Variants in PCDHA2 observed in about 807,000 individuals in gnomAD.
The protein encoded by PCDHA2 is protocadherin alpha-2.
PCDHA2 carries 58 observed loss-of-function variants against 66.0 expected under a neutral mutation model. The observed-to-expected ratio is 0.88, with a 90% CI of 0.71 to 1.09. The LOEUF (loss-of-function observed/expected upper bound fraction) is 1.09, where lower values mean the gene tolerates loss of function less well. Among genes scored for constraint, PCDHA2 ranks in the 50% least tolerant of loss-of-function variants. The probability of loss-of-function intolerance (pLI) is 0.00; values close to 1 mark genes in which losing one functional copy is unlikely to be tolerated. For missense variants in PCDHA2, 1,267 were observed against 1,242.3 expected (o/e 1.02, Z -0.30); for synonymous variants, 634 against 554.0 (o/e 1.14, Z -2.03).
intron 1 of PCDHA2, among the ~76,000 whole-genome samples, chr5:140,827,710 T>C (rs1414085053): frequency 3.3e-5 from 5 of 152,232 alleles, no homozygotes; most frequent in Admixed American, 6.5e-5. Context: ...GTTGCAAATA[T>C]TGGTAGAAAA....
At chr5:140,851,299 T>C (rs2042017269) in intron 1 of PCDHA2, 2 of 1,019,562 alleles carry the variant, frequency 2.0e-6, no homozygotes, top group East Asian at 1.2e-4. Flanking sequence ...AGCAAAAATA[T>C]ATAGCAATTG....
chr5:140,967,842 A>G (rs1239466478), intron 1 of PCDHA2: 1 of 1,614,042 alleles, frequency 6.2e-7, no homozygotes, highest in Non-Finnish European at 8.5e-7. Flanking sequence ...GTGGACGTGA[A>G]TGACAATGCC....
At chr5:140,824,778 C>G (rs189409181) in intron 1 of PCDHA2, 1 of 151,724 alleles carries the variant, frequency 6.6e-6, no homozygotes, top group Non-Finnish European at 1.5e-5. Context: ...TGTTTTAACA[C>G]CACCCTTCCA....
At chr5:140,828,665 A>T in intron 1 of PCDHA2, 1 of 1,614,220 alleles carries the variant, frequency 6.2e-7, no homozygotes, top group East Asian at 2.2e-5. Flanking sequence ...CAATAAACAA[A>T]TTGGGCTCTT....
chr5:140,802,192 A>G, intron 1 of PCDHA2: 2 of 1,614,242 alleles, frequency 1.2e-6, no homozygotes, highest in Non-Finnish European at 1.7e-6. Flanking sequence ...CCAATGTCAG[A>G]TCACTGCACA....
chr5:140,967,495 C>G, intron 1 of PCDHA2: 1 of 1,613,306 alleles, frequency 6.2e-7, no homozygotes. Flanking sequence ...CGGCACAGAT[C>G]TCTGTGCGTG....
At position 140,841,172 on chromosome 5, in the gene PCDHA2, G is replaced by A. The variant is rs1479528874; in HGVS notation, c.2388+43820G>A. 5 of 1,035,814 alleles carry A rather than the reference G, an allele frequency of 4.8e-6. No homozygotes were observed. The African/African-American group carries it at 6.5e-5, about 13-fold the overall frequency. The allele number at this position is 1,035,814 out of a possible 1,614,324, so 64.2% of individuals were successfully genotyped here. A position where few individuals can be genotyped will look rare whatever the true frequency, so the allele number is the denominator to read the frequency against. On this transcript the variant is annotated intron_variant, in intron 1 of 3. Coordinates refer to ENST00000526136, the MANE Select transcript of PCDHA2 (RefSeq NM_018905.3). ...GCTGTCTACCAAGAAGTTCTGGTTG[G>A]TCAATGTTCAAAGTCTTTTCTCTGA...
intron 1 of PCDHA2, chr5:140,808,778 C>G (rs781867451): frequency 1.2e-6 from 2 of 1,612,450 alleles, no homozygotes; most frequent in South Asian, 2.2e-5. Flanking sequence ...GCTAGAGCTG[C>G]TGCAGTTTCA....
intron 1 of PCDHA2, among the ~76,000 whole-genome samples, chr5:140,950,301 T>G (rs1467140584): frequency 6.6e-6 from 1 of 152,076 alleles, no homozygotes; most frequent in Non-Finnish European, 1.5e-5. Context: ...AAACTTTACT[T>G]AGCAGTTTTT....
Position 140,885,214 on chromosome 5 carries a change from T to A in PCDHA2, c.2388+87862T>A, listed in dbSNP as rs550824585. On this transcript the variant is annotated intron_variant, in intron 1 of 3. Coordinates refer to ENST00000526136, the MANE Select transcript of PCDHA2 (RefSeq NM_018905.3). ...CCCCTCTCATATATCCCATGAAAAATATCTTGTGATTCTGCTTTCAATTTT... is the reference window on the plus strand; with the variant it reads ...CCCCTCTCATATATCCCATGAAAAAAATCTTGTGATTCTGCTTTCAATTTT... Among the ~76,000 whole-genome samples the A allele has an allele frequency of 2.8e-3, 423 of 152,168 alleles. 2 individuals carry two copies. The highest frequency in any genetic ancestry group is 0.014 in the Middle Eastern group (4 of 294).
At chr5:141,000,361 GTCTCTCTCTCTCTCTCTC>G (rs148596731) in intron 3 of PCDHA2, among the ~76,000 whole-genome samples, 25 of 26,446 alleles carry the variant, frequency 9.5e-4, no homozygotes, top group African/African-American at 4.9e-3. Context: ...GTCTCTCTCT[GTCTCTCTCTCTCTCTCTC>G]TCTCTCTCTC....
intron 1 of PCDHA2, chr5:140,967,149 C>A (rs781864120): frequency 1.3e-5 from 21 of 1,610,890 alleles, no homozygotes; most frequent in Non-Finnish European, 1.7e-5. Flanking sequence ...GCGCACAACC[C>A]CGTGGCGGTG....
intron 1 of PCDHA2, chr5:140,968,917 T>G: frequency 6.2e-7 from 1 of 1,614,216 alleles, no homozygotes; most frequent in Non-Finnish European, 8.5e-7. Flanking sequence ...CAGTGTCTTT[T>G]ATATTTCTTT....
chr5:140,919,306 A>G (rs1407810868), intron 1 of PCDHA2, among the ~76,000 whole-genome samples: 1 of 152,150 alleles, frequency 6.6e-6, no homozygotes. Context: ...TGTACAATAT[A>G]TGTTTTCCCA....
At chr5:140,920,855 A>AC (rs1163764054) in intron 1 of PCDHA2, among the ~76,000 whole-genome samples, 5 of 151,976 alleles carry the variant, frequency 3.3e-5, no homozygotes, top group African/African-American at 4.8e-5. Context: ...AAAAAAAAAA[A>AC]AAACAAACAA....
chr5:140,859,473 G>T (rs1486992699), intron 1 of PCDHA2: 1 of 209,794 alleles, frequency 4.8e-6, no homozygotes, highest in Non-Finnish European at 9.3e-6. Context: ...ACTATCAATT[G>T]TGTTTTCCTG....
intron 1 of PCDHA2, among the ~76,000 whole-genome samples, chr5:140,893,394 T>TAA (rs2063972728): frequency 6.6e-6 from 1 of 152,198 alleles, no homozygotes; most frequent in South Asian, 2.1e-4. Flanking sequence ...GGCTCATGCC[T>TAA]GTAATCCCAG....
At position 140,885,065 on chromosome 5, in the gene PCDHA2, T is replaced by TA. The variant is rs1440762512; in HGVS notation, c.2388+87714dup. ...TTAATGTATACATATACCCACAAGATATTATTTTAAAGAGCCCCATAACTT... is the reference window on the plus strand; with the variant it reads ...TTAATGTATACATATACCCACAAGATAATTATTTTAAAGAGCCCCATAACTT... On this transcript the variant is annotated intron_variant, in intron 1 of 3. Coordinates refer to ENST00000526136, the MANE Select transcript of PCDHA2 (RefSeq NM_018905.3). Among the ~76,000 whole-genome samples the TA allele has an allele frequency of 7.2e-5, 11 of 152,294 alleles. 1 individual carries two copies. Among genetic ancestry groups the TA allele is most frequent in the African/African-American group, 2.6e-4 (11 of 41,580 alleles).
rs1254354370 is a variant in PCDHA2, at chr5:140,853,174, T to C, written c.2388+55822T>C. Reference sequence around the variant, plus strand: ...GATTACAGGCGTGAGCCACCGCGCCTGGCCTAAAATGTGTTCTTTATTATT... The same window carrying C: ...GATTACAGGCGTGAGCCACCGCGCCCGGCCTAAAATGTGTTCTTTATTATT... On this transcript the variant is annotated intron_variant, in intron 1 of 3. Coordinates refer to ENST00000526136, the MANE Select transcript of PCDHA2 (RefSeq NM_018905.3). 56 of 970,124 alleles carry C rather than the reference T, an allele frequency of 5.8e-5. 5 individuals carry two copies. Among genetic ancestry groups the C allele is most frequent in the Non-Finnish European group, 6.7e-5 (54 of 803,994 alleles). 60.1% of individuals were successfully genotyped at this position (970,124 alleles called of 1,614,324 possible). A position where few individuals can be genotyped will look rare whatever the true frequency, so the allele number is the denominator to read the frequency against.
Sources: gnomAD v4.1 joint callset for allele counts (sites outside exome capture counted in the v4.1 genomes callset) on GRCh38, gnomAD v4.1.1 for gene constraint, MANE v1.5 for transcripts, NCBI Gene and HGNC (gene_info 2026-07-23, HGNC 2026-07-21) for gene names.